Variants in CACNA1E observed in about 807,000 individuals in gnomAD.
The protein encoded by CACNA1E is voltage-dependent R-type calcium channel subunit alpha-1E.
In CACNA1E, 40 loss-of-function variants were observed where a neutral mutation model predicts 259.2. The ratio of observed to expected loss-of-function variants is 0.15; its 90% CI spans 0.12 to 0.20. CACNA1E has a LOEUF of 0.20. Ranked by LOEUF, CACNA1E falls within the 10% of genes least tolerant of loss-of-function variation. CACNA1E has a pLI of 1.00. For synonymous variants in CACNA1E, 1,104 were observed against 1,138.5 expected (o/e 0.97, Z 0.61); for missense variants, 1,874 against 3,040.1 (o/e 0.62, Z 9.02).
At chr1:181,783,926 T>C in intron 40 of CACNA1E, 142 bp downstream of exon 40, 1 of 567,930 alleles carries the variant, frequency 1.8e-6, no homozygotes, top group Non-Finnish European at 3.2e-6. Context: ...AGTATCTGAC[T>C]CAATAACTAA....
rs866035995 is a variant in CACNA1E, at chr1:181,716,070, G to A, written c.1256G>A (p.Arg419Gln). 9.5e-6 allele frequency: 15 copies of A among 1,573,282 alleles called. No individual in the cohort carries two copies. Among genetic ancestry groups the A allele is most frequent in the Admixed American group, 3.7e-5 (2 of 54,274 alleles). Residue 419 changes from arginine (R) to glutamine (Q), a missense_variant, in exon 10 of 48, where the codon CGG becomes CAG. Arg to Gln is a conservative substitution (Grantham distance 43, BLOSUM62 1). Coordinates refer to ENST00000367573, the MANE Select transcript of CACNA1E (RefSeq NM_001205293.3). ...CGAAGGGCAACCATCAAGAGGAGCCGGACAGAGGCCATGACTCGAGACTCC... is the reference window on the plus strand; with the variant it reads ...CGAAGGGCAACCATCAAGAGGAGCCAGACAGAGGCCATGACTCGAGACTCC... ...VLRRATIKRS[R>Q]TEAMTRDSSD...
Position 181,732,619 on chromosome 1 carries a change from T to C in CACNA1E, c.2533T>C (p.Phe845Leu). The C allele has an allele frequency of 1.3e-6, 2 of 1,487,560 alleles. No individual in the cohort carries two copies. The allele number at this position is 1,487,560 out of a possible 1,614,324, so 92.1% of individuals were successfully genotyped here. A position where few individuals can be genotyped will look rare whatever the true frequency, so the allele number is the denominator to read the frequency against. Residue 845 changes from phenylalanine to leucine, a missense_variant, in exon 20 of 48, where the codon TTC becomes CTC. Physicochemically the swap from Phe to Leu is conservative, Grantham distance 22. Transcript: ENST00000367573. The surrounding 1 kb of genome is among the most constrained non-coding windows in gnomAD (Gnocchi z 5.5). ...GGCCCTGGGCCTGGCCCTGGAGAAG[T>C]TCGAGGAGGAGCGCATCAGCCGTGG... is the stretch of plus-strand genomic sequence containing the variant. ...GLALGLALEK[F>L]EEERISRGGS...
intron 46 of CACNA1E, 136 bp from the exon 47 acceptor site, chr1:181,796,532 G>GT (rs1661819777): frequency 1.8e-6 from 1 of 561,578 alleles, no homozygotes; most frequent in East Asian, 3.1e-5. Flanking sequence ...ATTTGAATTT[G>GT]GGGGGGGACA....
At position 181,345,003 on chromosome 1, in the gene CACNA1E, C is replaced by T. The variant is rs181168472; in HGVS notation, c.-15+26880C>T. ...TCATGCCTGTCAGAAAAGGGTGATC[C>T]AGGCCAGACCCTGGAGGTAAAGACA... is the stretch of plus-strand genomic sequence containing the variant. On this transcript the variant is annotated intron_variant, in intron 1 of 11. Transcript: ENST00000524607. Among the ~76,000 whole-genome samples the T allele has an allele frequency of 4.7e-3, 718 of 152,318 alleles. 4 individuals are homozygous for T. Among genetic ancestry groups the T allele is most frequent in the Non-Finnish European group, 7.4e-3 (503 of 68,022 alleles).
intron 2 of CACNA1E, among the ~76,000 whole-genome samples, chr1:181,417,964 C>G: frequency 6.6e-6 from 1 of 152,094 alleles, no homozygotes; most frequent in East Asian, 1.9e-4. Context: ...TATTCTGTCT[C>G]CATTTTTTTT....
intron 25 of CACNA1E, chr1:181,745,316 G>C: frequency 2.1e-6 from 1 of 480,122 alleles, no homozygotes; most frequent in Non-Finnish European, 4.1e-6. Context: ...GGCAATGGGT[G>C]TGAACACCCA....
intron 1 of CACNA1E, among the ~76,000 whole-genome samples, chr1:181,367,259 C>G (rs1361645377): frequency 6.6e-6 from 1 of 152,182 alleles, no homozygotes; most frequent in African/African-American, 2.4e-5. Context: ...GTGCCTCACC[C>G]AAAGTGCTGT....
At chr1:181,562,388 T>C (rs1162569065) in intron 3 of CACNA1E, among the ~76,000 whole-genome samples, 1 of 152,068 alleles carries the variant, frequency 6.6e-6, no homozygotes, top group Non-Finnish European at 1.5e-5. Flanking sequence ...GCTATGGAAC[T>C]TTTTTTCATA....
intron 3 of CACNA1E, among the ~76,000 whole-genome samples, chr1:181,560,390 T>A (rs1373047881): frequency 6.8e-6 from 1 of 147,194 alleles, no homozygotes; most frequent in Non-Finnish European, 1.5e-5. Context: ...CCTTCTAGTC[T>A]TTTTTTTCCT....
chr1:181,350,525 C>G (rs944430133), intron 1 of CACNA1E, among the ~76,000 whole-genome samples: 15 of 152,162 alleles, frequency 9.9e-5, no homozygotes, highest in African/African-American at 3.6e-4. Flanking sequence ...CCAATGGAAC[C>G]TCACAAGGAC....
At chr1:181,725,432 A>G (rs1191910654) in intron 17 of CACNA1E, among the ~76,000 whole-genome samples, 1 of 152,238 alleles carries the variant, frequency 6.6e-6, no homozygotes, top group African/African-American at 2.4e-5. Context: ...GATTACTGTG[A>G]GGATCAAGTA....
At chr1:181,597,551 G>A (rs1471371369) in intron 6 of CACNA1E, among the ~76,000 whole-genome samples, 4 of 152,182 alleles carry the variant, frequency 2.6e-5, no homozygotes, top group Non-Finnish European at 5.9e-5. Flanking sequence ...CACCTACTGT[G>A]TGCCCAGGCA....
chr1:181,653,505 A>G (rs190396605), intron 7 of CACNA1E, among the ~76,000 whole-genome samples: 1 of 152,320 alleles, frequency 6.6e-6, no homozygotes, highest in Non-Finnish European at 1.5e-5. Context: ...TCTTTTGTAA[A>G]TGCCTCAGTC....
At chr1:181,772,362 C>T (rs1316294331) in intron 37 of CACNA1E, 131 bp downstream of exon 37, 2 of 817,498 alleles carry the variant, frequency 2.4e-6, no homozygotes, top group Non-Finnish European at 4.0e-6. Context: ...TCCACACCCC[C>T]ACCATGCACA....
At chr1:181,574,400 A>G (rs1029376177) in intron 3 of CACNA1E, among the ~76,000 whole-genome samples, 1 of 152,200 alleles carries the variant, frequency 6.6e-6, no homozygotes, top group African/African-American at 2.4e-5. Context: ...ATAGTATCCC[A>G]GCTTGCTACC....
At chr1:181,613,627 T>TG (rs1319432250) in intron 6 of CACNA1E, among the ~76,000 whole-genome samples, 2 of 152,186 alleles carry the variant, frequency 1.3e-5, no homozygotes, top group Non-Finnish European at 2.9e-5. Context: ...CTTCAAGGCT[T>TG]GGGGGTTAGC....
chr1:181,372,756 T>C (rs1654788971), intron 1 of CACNA1E, among the ~76,000 whole-genome samples: 2 of 151,762 alleles, frequency 1.3e-5, no homozygotes. Context: ...TATTTTGAAG[T>C]ATGTTCCTTT....
chr1:181,686,005 G>C lies in CACNA1E; in HGVS notation c.1056-24949G>C, dbSNP rs545735178. Among the ~76,000 whole-genome samples, 5 of 152,230 alleles carry C rather than the reference G, an allele frequency of 3.3e-5. No individual in the cohort carries two copies. In the East Asian group the frequency reaches 7.7e-4, roughly 24 times the overall value. On this transcript the variant is annotated intron_variant, in intron 7 of 47. Transcript: ENST00000367573. ...AAAGGCTCTCAGGGAGCACTTTGCA[G>C]TTAAAATGAAGCCACCCCCACCCGC...
chr1:181,531,801 TC>T (rs1190220151), intron 3 of CACNA1E, among the ~76,000 whole-genome samples: 2 of 152,188 alleles, frequency 1.3e-5, no homozygotes, highest in East Asian at 3.9e-4. Flanking sequence ...ACGCCTGCAA[TC>T]CCAGCACTTT....
Sources: gnomAD v4.1 joint callset for allele counts (sites outside exome capture counted in the v4.1 genomes callset) on GRCh38, gnomAD v4.1.1 for gene constraint, Gnocchi (gnomAD v3.1) non-coding constraint, MANE v1.5 for transcripts, NCBI Gene and HGNC (gene_info 2026-07-23, HGNC 2026-07-21) for gene names.